The following EXT1 variants were observed in gnomAD, a reference collection of about 807,000 sequenced individuals.
EXT1 encodes the protein exostosin-1.
In EXT1, 20 loss-of-function variants were observed where a neutral mutation model predicts 82.5. The ratio of observed to expected loss-of-function variants is 0.24; its 90% CI spans 0.17 to 0.35. EXT1 has a LOEUF of 0.35. Among genes scored for constraint, EXT1 ranks in the 10% least tolerant of loss-of-function variants. EXT1 has a pLI of 1.00. For missense variants in EXT1, 757 were observed against 936.5 expected, an observed-to-expected ratio of 0.81 and a Z score of 2.50; for synonymous variants, 348 against 350.8, an observed-to-expected ratio of 0.99 and a Z score of 0.09.
chr8:118,057,748 A>T (rs189752892), intron 1 of EXT1, among the ~76,000 whole-genome samples: 2 of 151,042 alleles, frequency 1.3e-5, no homozygotes, highest in African/African-American at 4.9e-5. Flanking sequence ...CCGAGGCGGG[A>T]GGATCACCTG....
chr8:117,982,280 C>T (rs915462189), intron 1 of EXT1, among the ~76,000 whole-genome samples: 6 of 152,276 alleles, frequency 3.9e-5, no homozygotes, highest in African/African-American at 1.4e-4. Context: ...GCCCATCAGT[C>T]AGGGTCACTC....
intron 1 of EXT1, among the ~76,000 whole-genome samples, chr8:117,896,097 T>C (rs1241339219): frequency 6.6e-6 from 1 of 152,228 alleles, no homozygotes; most frequent in Non-Finnish European, 1.5e-5. Context: ...TGGGATTTCA[T>C]TTCTACCTAC....
intron 1 of EXT1, among the ~76,000 whole-genome samples, chr8:117,892,148 G>C (rs1009456499): frequency 1.3e-5 from 2 of 152,162 alleles, no homozygotes; most frequent in Non-Finnish European, 2.9e-5. Flanking sequence ...GTAGAGGTTG[G>C]CTCCATCCTT....
At chr8:117,974,892 G>A (rs1433372062) in intron 1 of EXT1, among the ~76,000 whole-genome samples, 1 of 152,010 alleles carries the variant, frequency 6.6e-6, no homozygotes, top group African/African-American at 2.4e-5. Context: ...AAAAGCACTG[G>A]GCTTAGTATA....
At chr8:117,992,438 TAAAAAAAAA>T (rs142840509) in intron 1 of EXT1, among the ~76,000 whole-genome samples, 2 of 53,118 alleles carry the variant, frequency 3.8e-5, no homozygotes, top group African/African-American at 6.9e-5. Context: ...TTCAACTAGC[TAAAAAAAAA>T]AAAAAAAAAA....
chr8:118,075,326 C>G (rs532993329), intron 1 of EXT1, among the ~76,000 whole-genome samples: 2 of 152,306 alleles, frequency 1.3e-5, no homozygotes, highest in South Asian at 2.1e-4. Flanking sequence ...TGTTGTGTCT[C>G]CATTCCCGAT....
At chr8:117,875,058 T>C (rs886645189) in intron 1 of EXT1, among the ~76,000 whole-genome samples, 1 of 152,194 alleles carries the variant, frequency 6.6e-6, no homozygotes, top group African/African-American at 2.4e-5. Flanking sequence ...AATAGAAATA[T>C]TGGTACTCTT....
chr8:117,853,519 T>G (rs968799457), intron 1 of EXT1, among the ~76,000 whole-genome samples: 1 of 152,176 alleles, frequency 6.6e-6, no homozygotes. Context: ...ATCAGAGCAT[T>G]CCAGATTCCA....
intron 1 of EXT1, among the ~76,000 whole-genome samples, chr8:117,979,803 C>T (rs866110713): frequency 2.0e-5 from 3 of 152,304 alleles, no homozygotes; most frequent in Middle Eastern, 6.8e-3. Context: ...AATATCCATA[C>T]AAGACAGCAT....
At chr8:118,012,716 C>T (rs1163407490) in intron 1 of EXT1, among the ~76,000 whole-genome samples, 3 of 152,170 alleles carry the variant, frequency 2.0e-5, no homozygotes, top group Non-Finnish European at 2.9e-5. Flanking sequence ...GGGCAGCCTG[C>T]AACAATGATG....
intron 1 of EXT1, among the ~76,000 whole-genome samples, chr8:117,978,116 T>A (rs147025020): frequency 4.1e-4 from 63 of 152,318 alleles, no homozygotes; most frequent in African/African-American, 1.4e-3. Flanking sequence ...GATGTACAGG[T>A]GTCCCTTTGC....
chr8:117,858,856 A>C (rs200358358), intron 1 of EXT1, among the ~76,000 whole-genome samples: 1 of 36,948 alleles, frequency 2.7e-5, no homozygotes, highest in Non-Finnish European at 5.3e-5. Context: ...AAAGAAAGAA[A>C]GAAAGAAAGA....
chr8:117,812,799 A>G (rs1322995998), intron 8 of EXT1, 73 bp downstream of exon 8: 1 of 1,306,744 alleles, frequency 7.7e-7, no homozygotes, highest in African/African-American at 1.5e-5. Flanking sequence ...GGCTAAAAGA[A>G]GCATTAGCAT....
intron 4 of EXT1, among the ~76,000 whole-genome samples, chr8:117,823,534 G>A (rs935891881): frequency 7.4e-5 from 11 of 149,550 alleles, no homozygotes; most frequent in Admixed American, 3.3e-4. Context: ...AAATCCTGCC[G>A]TAAGTTTTAA....
chr8:117,818,797 G>A (rs1310312573), intron 6 of EXT1, among the ~76,000 whole-genome samples: 1 of 152,202 alleles, frequency 6.6e-6, no homozygotes, highest in Non-Finnish European at 1.5e-5. Context: ...TCCGGGAATA[G>A]GGGAAAGCTG....
At chr8:117,864,470 T>C (rs1291820488) in intron 1 of EXT1, among the ~76,000 whole-genome samples, 1 of 151,794 alleles carries the variant, frequency 6.6e-6, no homozygotes, top group African/African-American at 2.4e-5. Flanking sequence ...AAAATCGCGA[T>C]CAGGAGCAGT....
rs187180473 is a variant in EXT1 at position 118,105,842 on chromosome 8, T to C, written c.962+4243A>G. Among the ~76,000 whole-genome samples, 341 of 152,318 alleles carry C rather than the reference T, an allele frequency of 2.2e-3. 4 individuals are homozygous for C. The highest frequency in any genetic ancestry group is 7.7e-3 in the African/African-American group (318 of 41,554). On this transcript the variant is annotated intron_variant, in intron 1 of 10. Transcript: ENST00000378204. ...TGAACTTGCTCAAGGTGTCTGTTAA[T>C]ACAGTTTGGGATAATGAGGAAAAAA...
chr8:117,967,560 T>C (rs1397174062), intron 1 of EXT1, among the ~76,000 whole-genome samples: 1 of 152,192 alleles, frequency 6.6e-6, no homozygotes, highest in Non-Finnish European at 1.5e-5. Flanking sequence ...CAAAACAAAC[T>C]TTGGGGGAAA....
In EXT1 at chr8:117,794,599, AC is replaced by A. The variant is rs1752831039; in HGVS notation, c.*5112del. 6.6e-6 allele frequency: 1 copy of A among 152,192 alleles called. No individual in the cohort carries two copies. The highest frequency in any genetic ancestry group is 1.5e-5 in the Non-Finnish European group (1 of 68,040). 9.4% of individuals were successfully genotyped at this position (152,192 alleles called of 1,614,324 possible). On this transcript the variant is annotated 3_prime_UTR_variant, in exon 11 of 11. Coordinates refer to ENST00000378204, the MANE Select transcript of EXT1 (RefSeq NM_000127.3). Reference sequence around the variant, plus strand: ...AAAACAATCTATCTTGGATGGCGAAACCCAGACATAAAGTTACACAGGTCAG... The same window carrying A: ...AAAACAATCTATCTTGGATGGCGAAACCAGACATAAAGTTACACAGGTCAG...
Sources: allele counts gnomAD v4.1 joint callset (sites outside exome capture counted in the v4.1 genomes callset), GRCh38; gene constraint gnomAD v4.1.1; transcripts MANE v1.5; gene names NCBI Gene and HGNC (gene_info 2026-07-23, HGNC 2026-07-21).